The following TNXB variants were observed in gnomAD, a reference collection of about 807,000 sequenced individuals.
TNXB encodes tenascin-X.
Under a neutral mutation model 340.5 loss-of-function variants are expected in TNXB, and 183 were observed. The ratio of observed to expected loss-of-function variants is 0.54; its 90% CI spans 0.48 to 0.61. The LOEUF (loss-of-function observed/expected upper bound fraction) is 0.61, where lower values mean the gene tolerates loss of function less well. TNXB is among the 20% of genes least tolerant of loss of function. TNXB has a pLI of 0.00. For missense variants in TNXB, 4,613 were observed against 5,446.4 expected, an observed-to-expected ratio of 0.85 and a Z score of 4.82; for synonymous variants, 2,121 against 2,314.5, an observed-to-expected ratio of 0.92 and a Z score of 2.40.
Position 32,081,763 on chromosome 6 carries a change from G to C in TNXB, c.3737-90C>G. 1.3e-6 allele frequency: 1 copy of C among 778,738 alleles called. No individual in the cohort carries two copies. The highest frequency in any genetic ancestry group is 2.1e-6 in the Non-Finnish European group (1 of 485,180). 48.2% of individuals were successfully genotyped at this position (778,738 alleles called of 1,614,324 possible). A position where few individuals can be genotyped will look rare whatever the true frequency, so the allele number is the denominator to read the frequency against. On this transcript the variant is annotated intron_variant, in intron 9 of 43. Coordinates refer to ENST00000644971, the MANE Select transcript of TNXB (RefSeq NM_001365276.2). The surrounding 1 kb of genome is among the most constrained non-coding windows in gnomAD (Gnocchi z 5.1). The stretch of plus-strand genomic sequence containing the variant: ...ACGGGATGTCACACCTATGGGGGGT[G>C]GGGGGTCACTAGTCCATTAATTCGA...
At chr6:32,105,459 C>T (rs1299567414) in intron 1 of TNXB, among the ~76,000 whole-genome samples, 2 of 152,158 alleles carry the variant, frequency 1.3e-5, no homozygotes, top group Non-Finnish European at 1.5e-5. Flanking sequence ...ACTATAAAGT[C>T]CATGAGGGCA....
Position 32,072,314 on chromosome 6 carries a change from AC to A in TNXB, c.4682-17del. Reference sequence around the variant, plus strand: ...GGGAGGGGAGCTGGGATTTGGGAAGACAAAGAACATGGTTGAGATCTCTGAG... The same window carrying A: ...GGGAGGGGAGCTGGGATTTGGGAAGAAAAGAACATGGTTGAGATCTCTGAG... On this transcript the variant is annotated splice_polypyrimidine_tract_variant and intron_variant, in intron 12 of 43. Transcript: ENST00000644971. The surrounding 1 kb of genome is among the most constrained non-coding windows in gnomAD (Gnocchi z 4.4). 6.3e-7 allele frequency: 1 copy of A among 1,585,300 alleles called. No homozygotes were observed.
intron 29 of TNXB, 30 bp from the exon 30 acceptor site, chr6:32,048,042 T>G: frequency 6.3e-7 from 1 of 1,585,654 alleles, no homozygotes; most frequent in Non-Finnish European, 8.6e-7. Flanking sequence ...GCATGGAGAG[T>G]GGGATGGAGG....
chr6:32,064,854 G>A lies in TNXB; in HGVS notation c.6808C>T (p.Arg2270Cys), dbSNP rs1454433703. 6.2e-6 allele frequency: 10 copies of A among 1,611,122 alleles called. No individual in the cohort carries two copies. The highest frequency in any genetic ancestry group is 2.2e-5 in the East Asian group (1 of 44,896). The change falls in exon 19 of 44, where the codon CGC (arginine) becomes TGC (cysteine). Residue 2270 changes from arginine (R) to cysteine (C), a missense_variant. Arg to Cys is a radical substitution (Grantham distance 180). Transcript: ENST00000644971. This position sits in a 1 kb window ranked among gnomAD's most constrained non-coding sequence, Gnocchi z 5.3. ...CCAACAGCAGACACGGGGCCCACGCGCTGGCCACCGTGGAAGCCGTACAGG... is the reference window on the plus strand; with the variant it reads ...CCAACAGCAGACACGGGGCCCACGCACTGGCCACCGTGGAAGCCGTACAGG... ...MNLYGFHGGQ[R>C]VGPVSAVGLT...
At chr6:32,088,263 AGAGAACAT>A (rs1179845718) in intron 6 of TNXB, among the ~76,000 whole-genome samples, 3 of 152,184 alleles carry the variant, frequency 2.0e-5, no homozygotes, top group Non-Finnish European at 4.4e-5. Flanking sequence ...GAGTCGGGGA[AGAGAACAT>A]GAGCTACAGC....
intron 1 of TNXB, among the ~76,000 whole-genome samples, chr6:32,105,336 T>A (rs1780925067): frequency 6.6e-6 from 1 of 152,234 alleles, no homozygotes; most frequent in Non-Finnish European, 1.5e-5. Context: ...CATGCCATTC[T>A]CATGTGTAGC....
At chr6:32,095,564 C>G (rs1436923647) in intron 3 of TNXB, 47 bp downstream of exon 3, 2 of 1,572,922 alleles carry the variant, frequency 1.3e-6, no homozygotes, top group Non-Finnish European at 1.7e-6. Flanking sequence ...GGCTCCTGTT[C>G]ACAGAATCAC....
chr6:32,095,898 C>A lies in TNXB; in HGVS notation c.1955G>T (p.Cys652Phe), dbSNP rs1319450702. 1 of 1,612,792 alleles carries A rather than the reference C, an allele frequency of 6.2e-7. No individual in the cohort carries two copies. Among genetic ancestry groups the A allele is most frequent in the Admixed American group, 1.7e-5 (1 of 59,900 alleles). Residue 652 changes from cysteine to phenylalanine, a missense_variant, in exon 3 of 44, where the codon TGC becomes TTC. Physicochemically the swap from Cys to Phe is radical, Grantham distance 205 (BLOSUM62 -2). Transcript: ENST00000644971. Reference protein sequence around the residue: ...YTGPTCATRMCPADCRGRGRC... With the variant: ...YTGPTCATRMFPADCRGRGRC... ...CCCACGTCCCCGGCAGTCAGCCGGG[C>A]ACATGCGGGTGGCACAGGTAGGGCC...
Position 32,055,799 on chromosome 6 carries a change from G to T in TNXB, c.8467+52C>A. The T allele has an allele frequency of 1.9e-6, 3 of 1,567,786 alleles. No homozygotes were observed. In the South Asian group the frequency reaches 3.5e-5, roughly 18 times the overall value. On this transcript the variant is annotated intron_variant, in intron 24 of 43. Coordinates refer to ENST00000644971, the MANE Select transcript of TNXB (RefSeq NM_001365276.2). ...AGAATATTTTTGTTTTCATGAAGTT[G>T]CAGAGAAAGCAACATCTTCTAGGGC...
intron 24 of TNXB, among the ~76,000 whole-genome samples, chr6:32,054,744 T>G (rs1241127163): frequency 6.6e-6 from 1 of 152,212 alleles, no homozygotes; most frequent in African/African-American, 2.4e-5. Flanking sequence ...CATGAACTTG[T>G]GTGTGTCACT....
In TNXB at chr6:32,046,634, G is replaced by GCC. The variant is rs1293268312; in HGVS notation, c.10325-180_10325-179dup. 1.9e-6 allele frequency: 1 copy of GCC among 526,316 alleles called. No homozygotes were observed. The highest frequency in any genetic ancestry group is 3.2e-6 in the Non-Finnish European group (1 of 308,146). 32.6% of individuals were successfully genotyped at this position (526,316 alleles called of 1,614,324 possible). A position where few individuals can be genotyped will look rare whatever the true frequency, so the allele number is the denominator to read the frequency against. On this transcript the variant is annotated intron_variant, in intron 30 of 43. Coordinates refer to ENST00000644971, the MANE Select transcript of TNXB (RefSeq NM_001365276.2). The surrounding 1 kb of genome is among the most constrained non-coding windows in gnomAD (Gnocchi z 6.9). Reference sequence around the variant, plus strand: ...TGCCCCACAGGAATGAGGGAGAACAGCCCCCTCCTCCTCTGGAGGCTGCTG... The same window carrying GCC: ...TGCCCCACAGGAATGAGGGAGAACAGCCCCCCCTCCTCCTCTGGAGGCTGCTG...
rs567805469 is a variant in TNXB, at chr6:32,042,419, C to T, written c.12210+36G>A. The T allele has an allele frequency of 5.0e-6, 8 of 1,603,182 alleles. 1 individual carries two copies. The highest frequency in any genetic ancestry group is 3.3e-4 in the Middle Eastern group (2 of 6,018). ...TGGCTCCCGGGGCAACAGACCCTGC[C>T]CTGCACAGACCCCTGGGCTTCCCAA... On this transcript the variant is annotated intron_variant, in intron 40 of 43. Transcript: ENST00000644971.
Position 32,082,266 on chromosome 6 carries a change from T to C in TNXB, c.3506A>G (p.Asp1169Gly). The stretch of plus-strand genomic sequence containing the variant: ...GAGGTGCAGTGAATCTGGGGTAGGG[T>C]CTGTCACCCACAGGTTTCCCAGGTG... ...PPHLGNLWVT[D>G]PTPDSLHLSW... Residue 1169 changes from aspartate (D) to glycine (G), a missense_variant, in exon 9 of 44, where the codon GAC becomes GGC. Coordinates refer to ENST00000644971, the MANE Select transcript of TNXB (RefSeq NM_001365276.2). This position sits in a 1 kb window ranked among gnomAD's most constrained non-coding sequence, Gnocchi z 5.0. 1 of 1,606,152 alleles carries C rather than the reference T, an allele frequency of 6.2e-7. No homozygotes were observed. Among genetic ancestry groups the C allele is most frequent in the Non-Finnish European group, 8.5e-7 (1 of 1,176,716 alleles).
rs1259108637 is a variant in TNXB, at chr6:32,070,537, C to T, written c.4991-123G>A. ...TGCTTCCCCAAAATATTTCCATCAC[C>T]TCCCATCCTCACCACCATCTCCGTC... On this transcript the variant is annotated intron_variant, in intron 13 of 43. Transcript: ENST00000644971. This position sits in a 1 kb window ranked among gnomAD's most constrained non-coding sequence, Gnocchi z 6.0. 6 of 1,076,154 alleles carry T rather than the reference C, an allele frequency of 5.6e-6. No individual in the cohort carries two copies. Among genetic ancestry groups the T allele is most frequent in the Non-Finnish European group, 7.8e-6 (6 of 768,688 alleles). 66.7% of individuals were successfully genotyped at this position (1,076,154 alleles called of 1,614,324 possible).
At position 32,061,512 on chromosome 6, in the gene TNXB, G is replaced by A. The variant is rs59619270; in HGVS notation, c.7377C>T (p.Gly2459=). 7,153 of 1,613,460 alleles carry A rather than the reference G, an allele frequency of 4.4e-3. 283 individuals are homozygous for A. The African/African-American group carries it at 0.08, about 18-fold the overall frequency. ...CCCCCACGGTGACCTCGCTCTCCTCGCCCCCAACACGCACCACCTGGGGCC... is the reference window on the plus strand; with the variant it reads ...CCCCCACGGTGACCTCGCTCTCCTCACCCCCAACACGCACCACCTGGGGCC... ...DGRPQVVRVG[G]EESEVTVGGL... The change falls in exon 21 of 44, where the codon GGC becomes GGT. Residue 2459 remains glycine (G), a synonymous_variant. Transcript: ENST00000644971. This position sits in a 1 kb window ranked among gnomAD's most constrained non-coding sequence, Gnocchi z 4.4.
Position 32,053,431 on chromosome 6 carries a change from G to A in TNXB, c.8748C>T (p.His2916=), listed in dbSNP as rs775763208. 3.1e-5 allele frequency: 50 copies of A among 1,612,896 alleles called. No individual in the cohort carries two copies. The highest frequency in any genetic ancestry group is 4.2e-5 in the Non-Finnish European group (50 of 1,179,880). ...HKYKMNLYGF[H]GGQRVGPISV... ...AGATGGGGCCCACGCGCTGGCCACC[G>A]TGGAAGCCGTACAGGTTCATCTTGT... The change falls in exon 25 of 44, where the codon CAC becomes CAT. Residue 2916 remains histidine, a synonymous_variant. Transcript: ENST00000644971.
chr6:32,093,591 C>A (rs941282093), intron 4 of TNXB: 5 of 464,678 alleles, frequency 1.1e-5, no homozygotes, highest in Non-Finnish European at 1.9e-5. Flanking sequence ...CCTGGCTAAG[C>A]TGATGAAGAT....
chr6:32,043,860 C>T lies in TNXB; in HGVS notation c.11419G>A (p.Ala3807Thr), dbSNP rs776953580. The T allele has an allele frequency of 1.2e-5, 20 of 1,613,740 alleles. 1 individual carries two copies. In the African/African-American group the frequency reaches 2.1e-4, roughly 17 times the overall value. The change falls in exon 35 of 44, where the codon GCC (alanine) becomes ACC (threonine). Residue 3807 changes from alanine (A) to threonine (T), a missense_variant. This residue lies in a region of TNXB where 114 missense variants were observed against 104.5 expected (regional missense o/e 1.09). Coordinates refer to ENST00000644971, the MANE Select transcript of TNXB (RefSeq NM_001365276.2). ...AGCCCCTGGAGTTTCTGGGTCCGGG[C>T]CTGGCCATCCACCTGCACACTCTGA... is the stretch of plus-strand genomic sequence containing the variant. ...EPQSVQVDGQ[A>T]RTQKLQGLIP...
At chr6:32,043,941 G>C (rs148379439) in intron 34 of TNXB, 49 bp from the exon 35 acceptor site, 1 of 1,611,934 alleles carries the variant, frequency 6.2e-7, no homozygotes, top group South Asian at 1.1e-5. Flanking sequence ...CAGGGCAGCT[G>C]GAGGGTGGGC....
Sources: gnomAD v4.1 joint callset for allele counts (sites outside exome capture counted in the v4.1 genomes callset) on GRCh38, gnomAD v4.1.1 for gene constraint, gnomAD v4.1.1 regional missense constraint, Gnocchi (gnomAD v3.1) non-coding constraint, MANE v1.5 for transcripts, NCBI Gene and HGNC (gene_info 2026-07-23, HGNC 2026-07-21) for gene names.